LRRC3B: variants seen among roughly 807,000 people sequenced by gnomAD.
LRRC3B encodes the protein leucine rich repeat containing 3B, also known as leucine-rich repeat-containing protein 3B.
LRRC3B carries 2 observed loss-of-function variants against 12.8 expected under a neutral mutation model. That is an observed-to-expected ratio of 0.16 (90% CI 0.06 to 0.49). LRRC3B has a LOEUF of 0.49. Ranked by LOEUF, LRRC3B falls within the 20% of genes least tolerant of loss-of-function variation. LRRC3B has a pLI of 0.96. For missense variants in LRRC3B, 189 were observed against 319.4 expected, an observed-to-expected ratio of 0.59 and a Z score of 3.11; for synonymous variants, 132 against 122.0, an observed-to-expected ratio of 1.08 and a Z score of -0.54.
chr3:26,653,461 A>G (rs1350219384), intron 1 of LRRC3B, among the ~76,000 whole-genome samples: 1 of 152,234 alleles, frequency 6.6e-6, no homozygotes, highest in Non-Finnish European at 1.5e-5. Context: ...TTGATCTGTC[A>G]TTAATAATGG....
chr3:26,697,073 A>T (rs1700335511), intron 1 of LRRC3B, among the ~76,000 whole-genome samples: 1 of 152,166 alleles, frequency 6.6e-6, no homozygotes, highest in Non-Finnish European at 1.5e-5. Flanking sequence ...TAACTCACAT[A>T]ATGGGGAGTC....
chr3:26,694,169 T>C (rs776624390), intron 1 of LRRC3B, among the ~76,000 whole-genome samples: 3 of 152,156 alleles, frequency 2.0e-5, no homozygotes, highest in Non-Finnish European at 4.4e-5. Flanking sequence ...TAGTAGTAAT[T>C]GTAGTAGTAG....
At chr3:26,645,281 A>T (rs901364596) in intron 1 of LRRC3B, among the ~76,000 whole-genome samples, 2 of 152,208 alleles carry the variant, frequency 1.3e-5, no homozygotes, top group Non-Finnish European at 2.9e-5. Context: ...GAGGATGTTT[A>T]CATTGTGCAG....
chr3:26,646,800 G>T (rs1699160846), intron 1 of LRRC3B, among the ~76,000 whole-genome samples: 1 of 151,990 alleles, frequency 6.6e-6, no homozygotes, highest in Non-Finnish European at 1.5e-5. Flanking sequence ...AGATGGTAGG[G>T]TGTGGGTGAG....
chr3:26,659,617 A>G (rs1203225367), intron 1 of LRRC3B, among the ~76,000 whole-genome samples: 1 of 152,144 alleles, frequency 6.6e-6, no homozygotes, highest in East Asian at 1.9e-4. Flanking sequence ...TTTAGTCTCT[A>G]TTTCTATATT....
intron 1 of LRRC3B, among the ~76,000 whole-genome samples, chr3:26,633,288 C>G (rs1698799141): frequency 6.6e-6 from 1 of 152,138 alleles, no homozygotes; most frequent in African/African-American, 2.4e-5. Flanking sequence ...GAGTGAGTGA[C>G]TGTGGGAAAT....
chr3:26,636,603 A>AT (rs1698877314), intron 1 of LRRC3B, among the ~76,000 whole-genome samples: 1 of 151,944 alleles, frequency 6.6e-6, no homozygotes, highest in Admixed American at 6.5e-5. Flanking sequence ...GCTAAATCTC[A>AT]TTTTTTAGTG....
chr3:26,666,958 TAA>T (rs1241573905), intron 1 of LRRC3B, among the ~76,000 whole-genome samples: 1 of 152,100 alleles, frequency 6.6e-6, no homozygotes, highest in Non-Finnish European at 1.5e-5. Flanking sequence ...GGATTTTAAC[TAA>T]AAAGAGCGGT....
chr3:26,668,755 C>T (rs1019556047), intron 1 of LRRC3B, among the ~76,000 whole-genome samples: 4 of 152,122 alleles, frequency 2.6e-5, no homozygotes, highest in Admixed American at 2.6e-4. Context: ...GCTCCCTAAA[C>T]CATTTTAGCC....
chr3:26,640,441 AAC>A (rs1482688083), intron 1 of LRRC3B, among the ~76,000 whole-genome samples: 7 of 139,456 alleles, frequency 5.0e-5, no homozygotes, highest in African/African-American at 2.0e-4. Flanking sequence ...AAAAAAAAAA[AAC>A]CCAAAAAACA....
chr3:26,710,580 C>A, exon 2 of LRRC3B: 1 of 952,970 alleles, frequency 1.0e-6, no homozygotes, highest in Non-Finnish European at 1.5e-6. Flanking sequence ...TGAATTATGC[C>A]ACTGCTGAAC....
intron 1 of LRRC3B, among the ~76,000 whole-genome samples, chr3:26,627,932 A>T (rs2125397650): frequency 6.6e-6 from 1 of 152,262 alleles, no homozygotes; most frequent in African/African-American, 2.4e-5. Flanking sequence ...TATCCAAAAG[A>T]AATGGTCTAT....
rs150542832 is a variant in LRRC3B, at chr3:26,635,458, T to A, written c.-161+12221T>A. Among the ~76,000 whole-genome samples, 494 of 152,312 alleles carry A rather than the reference T, an allele frequency of 3.2e-3. 2 individuals are homozygous for A. The highest frequency in any genetic ancestry group is 0.011 in the African/African-American group (462 of 41,572). ...TGGGGTCCTCAACATGAGATTAGTG[T>A]TCTTACAAGAAAAGACAACAGAAAG... is the stretch of plus-strand genomic sequence containing the variant. On this transcript the variant is annotated intron_variant, in intron 1 of 1. Transcript: ENST00000396641.
At chr3:26,684,716 C>T (rs1161031903) in intron 1 of LRRC3B, among the ~76,000 whole-genome samples, 2 of 152,208 alleles carry the variant, frequency 1.3e-5, no homozygotes, top group East Asian at 3.9e-4. Flanking sequence ...AATCACCTCT[C>T]AAAGGTATCA....
intron 1 of LRRC3B, among the ~76,000 whole-genome samples, chr3:26,705,373 G>A (rs754874682): frequency 7.2e-5 from 11 of 151,792 alleles, no homozygotes; most frequent in South Asian, 2.1e-4. Context: ...TGACCCAGAC[G>A]TAGTTAAAGG....
intron 1 of LRRC3B, among the ~76,000 whole-genome samples, chr3:26,682,454 G>A (rs941334666): frequency 6.6e-6 from 1 of 152,120 alleles, no homozygotes. Flanking sequence ...TTGCAGGAAA[G>A]AACTGCTTTG....
At chr3:26,630,579 G>A (rs889659225) in intron 1 of LRRC3B, among the ~76,000 whole-genome samples, 3 of 152,156 alleles carry the variant, frequency 2.0e-5, no homozygotes, top group African/African-American at 7.2e-5. Flanking sequence ...TGTGGCAGCT[G>A]TATTGTGATA....
intron 1 of LRRC3B, among the ~76,000 whole-genome samples, chr3:26,671,744 T>C (rs1433945671): frequency 6.6e-6 from 1 of 152,068 alleles, no homozygotes; most frequent in East Asian, 1.9e-4. Context: ...TTTCTGCAAA[T>C]GAAGAAAATG....
At chr3:26,632,955 C>G (rs1698789571) in intron 1 of LRRC3B, among the ~76,000 whole-genome samples, 1 of 152,108 alleles carries the variant, frequency 6.6e-6, no homozygotes, top group African/African-American at 2.4e-5. Context: ...TGAAATCAGC[C>G]ATGGTAGGAG....
Sources: gnomAD v4.1 joint callset for allele counts (sites outside exome capture counted in the v4.1 genomes callset) on GRCh38, gnomAD v4.1.1 for gene constraint, MANE v1.5 for transcripts, NCBI Gene and HGNC (gene_info 2026-07-23, HGNC 2026-07-21) for gene names.